Variants in CSMD1 observed in about 807,000 individuals in gnomAD.
CSMD1 encodes the protein CUB and sushi domain-containing protein 1.
Under a neutral mutation model 417.5 loss-of-function variants are expected in CSMD1, and 213 were observed. The observed-to-expected ratio is 0.51, with a 90% CI of 0.46 to 0.57. The LOEUF is 0.57. Among genes scored for constraint, CSMD1 ranks in the 20% least tolerant of loss-of-function variants. The pLI is 0.00. For synonymous variants in CSMD1, 2,862 were observed against 1,736.8 expected, an observed-to-expected ratio of 1.65 and a Z score of -16.11; for missense variants, 6,923 against 4,529.7, an observed-to-expected ratio of 1.53 and a Z score of -15.17.
intron 2 of CSMD1, among the ~76,000 whole-genome samples, chr8:4,448,458 C>T (rs956201320): frequency 6.6e-6 from 1 of 152,126 alleles, no homozygotes; most frequent in Admixed American, 6.6e-5. Flanking sequence ...AGCTATTTTC[C>T]CTTAAATACT....
At position 3,332,056 on chromosome 8, in the gene CSMD1, T is replaced by G. The variant is rs139506903; in HGVS notation, c.3631+11238A>C. On this transcript the variant is annotated intron_variant, in intron 23 of 69. Transcript: ENST00000635120. ...CAGAATGATAATAGATCATAGATTA[T>G]CAATCAATAGATGATCAATTAATTG... 2.2e-3 allele frequency among the ~76,000 whole-genome samples: 329 copies of G among 152,316 alleles called. 3 individuals carry two copies. Among genetic ancestry groups the G allele is most frequent in the African/African-American group, 7.6e-3 (317 of 41,568 alleles).
chr8:3,968,423 G>A (rs143281685), intron 5 of CSMD1, among the ~76,000 whole-genome samples: 3 of 152,168 alleles, frequency 2.0e-5, no homozygotes, highest in East Asian at 3.9e-4. Context: ...GGGTTCACAT[G>A]GACACACACT....
intron 3 of CSMD1, among the ~76,000 whole-genome samples, chr8:4,058,770 A>C (rs1289932917): frequency 6.9e-6 from 1 of 145,476 alleles, no homozygotes; most frequent in Non-Finnish European, 1.5e-5. Flanking sequence ...CACCCAATAC[A>C]GGAGCACCCA....
chr8:4,444,237 G>A (rs1798649561), intron 2 of CSMD1, among the ~76,000 whole-genome samples: 1 of 151,294 alleles, frequency 6.6e-6, no homozygotes, highest in African/African-American at 2.4e-5. Flanking sequence ...AACTACTCGG[G>A]AGGCTGAGGC....
chr8:4,251,872 T>G (rs879390735), intron 3 of CSMD1, among the ~76,000 whole-genome samples: 80 of 63,480 alleles, frequency 1.3e-3, no homozygotes, highest in Middle Eastern at 8.8e-3. Flanking sequence ...AGAGAGAGGG[T>G]GGAGGAAGAG....
chr8:3,759,741 A>G lies in CSMD1; in HGVS notation c.819-5699T>C, dbSNP rs1195106170. ...AAACACCACCTCTACTAAAAATACC[A>G]AAAAAAAAAAAAAAAAATTAGCCAG... On this transcript the variant is annotated intron_variant, in intron 5 of 69. Coordinates refer to ENST00000635120, the MANE Select transcript of CSMD1 (RefSeq NM_033225.6). 1.6e-4 allele frequency among the ~76,000 whole-genome samples: 13 copies of G among 78,918 alleles called. No homozygotes were observed. The East Asian group carries it at 2.8e-3, about 17-fold the overall frequency. 51.8% of individuals were successfully genotyped at this position (78,918 alleles called of 152,430 possible).
intron 3 of CSMD1, among the ~76,000 whole-genome samples, chr8:4,398,079 C>G (rs781355164): frequency 7.2e-5 from 11 of 152,172 alleles, no homozygotes; most frequent in Non-Finnish European, 1.6e-4. Context: ...ATTACTTTAT[C>G]AGTCAAGGAA....
At chr8:4,922,290 G>A (rs966237282) in intron 1 of CSMD1, among the ~76,000 whole-genome samples, 22 of 152,156 alleles carry the variant, frequency 1.4e-4, no homozygotes, top group African/African-American at 4.6e-4. Flanking sequence ...GTATAAATAG[G>A]CATCATTGAT....
At position 4,635,455 on chromosome 8, in the gene CSMD1, C is replaced by A. The variant is rs147082529; in HGVS notation, c.302+1887G>T. 3.4e-4 allele frequency among the ~76,000 whole-genome samples: 51 copies of A among 152,088 alleles called. 1 individual carries two copies. Among genetic ancestry groups the A allele is most frequent in the African/African-American group, 9.2e-4 (38 of 41,494 alleles). On this transcript the variant is annotated intron_variant, in intron 2 of 69. Coordinates refer to ENST00000635120, the MANE Select transcript of CSMD1 (RefSeq NM_033225.6). ...ATACATTATTGAAAGACATACCTGT[C>A]AGTCAAATTAAGACAGGTTTTCTAT...
At chr8:4,526,781 C>G (rs536573335) in intron 2 of CSMD1, among the ~76,000 whole-genome samples, 1 of 152,242 alleles carries the variant, frequency 6.6e-6, no homozygotes, top group South Asian at 2.1e-4. Flanking sequence ...TCTCCACAAC[C>G]TGAATTTTCT....
intron 1 of CSMD1, among the ~76,000 whole-genome samples, chr8:4,810,424 G>A (rs769146966): frequency 1.3e-5 from 2 of 152,134 alleles, no homozygotes; most frequent in African/African-American, 4.8e-5. Context: ...TCACTATGCA[G>A]GGAAACTAAA....
chr8:3,755,395 G>C (rs1035128274), intron 5 of CSMD1, among the ~76,000 whole-genome samples: 2 of 152,172 alleles, frequency 1.3e-5, no homozygotes, highest in African/African-American at 4.8e-5. Flanking sequence ...TCTACAAGTG[G>C]TTGTGCACTG....
intron 8 of CSMD1, among the ~76,000 whole-genome samples, chr8:3,606,486 G>C (rs1172839552): frequency 7.1e-6 from 1 of 139,954 alleles, no homozygotes; most frequent in East Asian, 2.1e-4. Context: ...AAAGACGGAA[G>C]ATGTCTCATT....
intron 39 of CSMD1, among the ~76,000 whole-genome samples, chr8:3,153,390 T>C (rs1819321019): frequency 6.6e-6 from 1 of 152,204 alleles, no homozygotes; most frequent in Non-Finnish European, 1.5e-5. Flanking sequence ...TCCTTTACTT[T>C]CTTAATAAAC....
chr8:3,879,174 G>A (rs1164728030), intron 5 of CSMD1, among the ~76,000 whole-genome samples: 1 of 151,962 alleles, frequency 6.6e-6, no homozygotes, highest in Non-Finnish European at 1.5e-5. Flanking sequence ...GCAGGTGGTG[G>A]TTTATTACAG....
intron 2 of CSMD1, among the ~76,000 whole-genome samples, chr8:4,470,326 G>GT (rs1264484988): frequency 6.6e-6 from 1 of 152,060 alleles, no homozygotes; most frequent in Non-Finnish European, 1.5e-5. Context: ...TTTCTACAAC[G>GT]TGGCGTCACT....
intron 10 of CSMD1, among the ~76,000 whole-genome samples, chr8:3,572,008 A>C (rs1010814): frequency 2.0e-5 from 3 of 151,922 alleles, no homozygotes; most frequent in African/African-American, 7.3e-5. Context: ...CATTCATTTG[A>C]CTTCAAAAGA....
intron 4 of CSMD1, among the ~76,000 whole-genome samples, chr8:4,002,363 A>C (rs68001273): frequency 0.12 from 18,990 of 152,146 alleles, 1,294 homozygotes; most frequent in East Asian, 0.2. Context: ...TTTACTTTCT[A>C]AACAGCAACA....
rs1811102223 is a variant in CSMD1, at chr8:3,387,768, G to C, written c.2594-86C>G. The C allele has an allele frequency of 4.6e-6, 5 of 1,093,268 alleles. No individual in the cohort carries two copies. The East Asian group carries it at 7.8e-5, about 17-fold the overall frequency. The allele number at this position is 1,093,268 out of a possible 1,614,324, so 67.7% of individuals were successfully genotyped here. On this transcript the variant is annotated intron_variant, in intron 17 of 69. Coordinates refer to ENST00000635120, the MANE Select transcript of CSMD1 (RefSeq NM_033225.6). ...GACCCACGCCATCAACTACGAAATA[G>C]TCTCAGAAATAATAAGACCTGAAAC...
Sources: allele counts gnomAD v4.1 joint callset (sites outside exome capture counted in the v4.1 genomes callset), GRCh38; gene constraint gnomAD v4.1.1; transcripts MANE v1.5; gene names NCBI Gene and HGNC (gene_info 2026-07-23, HGNC 2026-07-21).